TTLL5: variants seen among roughly 807,000 people sequenced by gnomAD.
TTLL5 encodes tubulin polyglutamylase TTLL5.
A neutral mutation model predicts 168.4 loss-of-function variants in TTLL5; 132 were observed. The observed-to-expected ratio is 0.78, with a 90% CI of 0.68 to 0.91. TTLL5 has a LOEUF of 0.91. Ranked by LOEUF, TTLL5 falls within the 40% of genes least tolerant of loss-of-function variation. TTLL5 has a pLI of 0.00. For missense variants in TTLL5, 1,545 were observed against 1,581.5 expected (o/e 0.98, Z 0.39); for synonymous variants, 546 against 558.6 (o/e 0.98, Z 0.32).
At chr14:75,780,057 A>C (rs941400690) in intron 24 of TTLL5, among the ~76,000 whole-genome samples, 2 of 152,190 alleles carry the variant, frequency 1.3e-5, no homozygotes, top group Middle Eastern at 3.2e-3. Flanking sequence ...TTTACAGATG[A>C]GAAAATAAGC....
chr14:75,717,830 C>T, intron 9 of TTLL5, 31 bp from the exon 10 acceptor site: 1 of 1,599,156 alleles, frequency 6.3e-7, no homozygotes, highest in Non-Finnish European at 8.6e-7. Flanking sequence ...AAACTCTGTT[C>T]CTGGCATTTA....
intron 7 of TTLL5, among the ~76,000 whole-genome samples, chr14:75,700,450 A>G (rs1886187940): frequency 6.6e-6 from 1 of 152,184 alleles, no homozygotes; most frequent in Admixed American, 6.5e-5. Flanking sequence ...TGGTAAGGCA[A>G]AAACACTTCA....
intron 30 of TTLL5, among the ~76,000 whole-genome samples, chr14:75,896,400 G>C (rs968425026): frequency 2.6e-5 from 4 of 152,136 alleles, no homozygotes; most frequent in Non-Finnish European, 5.9e-5. Flanking sequence ...GGGGGTGTTT[G>C]TTTTCAGCAC....
chr14:75,696,572 A>G (rs1159922291), intron 6 of TTLL5, among the ~76,000 whole-genome samples: 1 of 152,236 alleles, frequency 6.6e-6, no homozygotes, highest in Non-Finnish European at 1.5e-5. Context: ...ATTTTTTGTC[A>G]TATATAACTA....
rs1266541646 is a variant in TTLL5 at position 75,681,533 on chromosome 14, G to T, written c.182-12G>T. 1 of 1,611,172 alleles carries T rather than the reference G, an allele frequency of 6.2e-7. No individual in the cohort carries two copies. Among genetic ancestry groups the T allele is most frequent in the Non-Finnish European group, 8.5e-7 (1 of 1,179,026 alleles). ...CTTTCTAGTTACTGAACTTGATTCT[G>T]TTTTTCTTTAGAACGTTATCATTTG... On this transcript the variant is annotated splice_polypyrimidine_tract_variant and intron_variant, in intron 3 of 31. Transcript: ENST00000298832.
chr14:75,857,914 G>C (rs1368921110), intron 28 of TTLL5, among the ~76,000 whole-genome samples: 1 of 152,032 alleles, frequency 6.6e-6, no homozygotes, highest in Non-Finnish European at 1.5e-5. Context: ...ACCTCCCAAA[G>C]TGCTAGGATT....
chr14:75,784,801 C>CT (rs1376484285), intron 26 of TTLL5, among the ~76,000 whole-genome samples: 2 of 152,098 alleles, frequency 1.3e-5, no homozygotes, highest in African/African-American at 4.8e-5. Flanking sequence ...AATAGTATCT[C>CT]TTTTTTGTGG....
intron 30 of TTLL5, among the ~76,000 whole-genome samples, chr14:75,894,133 T>C (rs1197905846): frequency 1.3e-5 from 2 of 152,214 alleles, no homozygotes; most frequent in African/African-American, 4.8e-5. Context: ...ACAGAAATAC[T>C]GAATGACTTT....
chr14:75,738,237 C>A (rs944682397), intron 15 of TTLL5, among the ~76,000 whole-genome samples: 29 of 152,204 alleles, frequency 1.9e-4, no homozygotes, highest in South Asian at 6.2e-4. Flanking sequence ...TTAAAAAATT[C>A]TTTTTGAAGT....
rs1200176268 is a variant in TTLL5, at chr14:75,743,683, G to A, written c.1282-1412G>A. Among the ~76,000 whole-genome samples the A allele has an allele frequency of 3.5e-5, 5 of 142,088 alleles. No homozygotes were observed. In the South Asian group the frequency reaches 9.2e-4, roughly 26 times the overall value. The allele number at this position is 142,088 out of a possible 152,430, so 93.2% of individuals were successfully genotyped here. On this transcript the variant is annotated intron_variant, in intron 15 of 31. Coordinates refer to ENST00000298832, the MANE Select transcript of TTLL5 (RefSeq NM_015072.5). ...TGCATGCTCCGCCTCCTGGGTTCAC[G>A]CCATTCTCCTGCCTCAGCCTCCCGA... is the stretch of plus-strand genomic sequence containing the variant.
chr14:75,725,659 C>A (rs554012487), intron 12 of TTLL5, among the ~76,000 whole-genome samples: 3 of 152,252 alleles, frequency 2.0e-5, no homozygotes, highest in African/African-American at 7.2e-5. Context: ...ATGAGTCCGG[C>A]CACTTTTGGC....
chr14:75,733,357 C>A (rs1418572024), intron 13 of TTLL5, among the ~76,000 whole-genome samples: 1 of 152,158 alleles, frequency 6.6e-6, no homozygotes, highest in Non-Finnish European at 1.5e-5. Flanking sequence ...GCCACCGTGG[C>A]CGTCACTGCC....
chr14:75,915,037 C>T (rs2033564821), intron 31 of TTLL5, among the ~76,000 whole-genome samples: 1 of 152,208 alleles, frequency 6.6e-6, no homozygotes, highest in South Asian at 2.1e-4. Context: ...TCAAGAATCT[C>T]ATTATAAGGG....
At position 75,683,291 on chromosome 14, in the gene TTLL5, A is replaced by G. The variant is rs1448006970; in HGVS notation, c.265-259A>G. Among the ~76,000 whole-genome samples, 5 of 152,240 alleles carry G rather than the reference A, an allele frequency of 3.3e-5. No individual in the cohort carries two copies. The East Asian group carries it at 7.7e-4, about 23-fold the overall frequency. ...AAGCCTGAGAAAGAAATGCAAGAAT[A>G]TTAAGAGACATCATGGGTTTCTATA... On this transcript the variant is annotated intron_variant, in intron 4 of 31. Transcript: ENST00000298832.
At chr14:75,709,187 A>G (rs767601082) in intron 9 of TTLL5, 34 of 761,664 alleles carry the variant, frequency 4.5e-5, no homozygotes, top group Non-Finnish European at 7.0e-5. Context: ...AGAAAATGCA[A>G]TTGGAAGATG....
intron 31 of TTLL5, among the ~76,000 whole-genome samples, chr14:75,928,737 C>T (rs1313975798): frequency 1.3e-5 from 2 of 152,064 alleles, no homozygotes; most frequent in African/African-American, 4.8e-5. Context: ...CTGTCCTGGG[C>T]TGTCCCCTTA....
intron 27 of TTLL5, among the ~76,000 whole-genome samples, chr14:75,817,361 G>T (rs140949576): frequency 6.6e-6 from 1 of 152,036 alleles, no homozygotes; most frequent in Non-Finnish European, 1.5e-5. Context: ...GTCATATATG[G>T]CCGGTGAGTT....
At chr14:75,775,706 C>A in intron 22 of TTLL5, 76 bp downstream of exon 22, 1 of 1,532,544 alleles carries the variant, frequency 6.5e-7, no homozygotes, top group Non-Finnish European at 8.9e-7. Flanking sequence ...AAGCCTCTGT[C>A]CAACTGGATG....
At chr14:75,866,605 C>G (rs2030537866) in intron 29 of TTLL5, among the ~76,000 whole-genome samples, 1 of 152,240 alleles carries the variant, frequency 6.6e-6, no homozygotes, top group East Asian at 1.9e-4. Context: ...TTCATGCAGC[C>G]TTTCTCTCAT....
Sources: gnomAD v4.1 joint callset for allele counts (sites outside exome capture counted in the v4.1 genomes callset) on GRCh38, gnomAD v4.1.1 for gene constraint, MANE v1.5 for transcripts, NCBI Gene and HGNC (gene_info 2026-07-23, HGNC 2026-07-21) for gene names.